Variants in ARHGAP6 observed in about 807,000 individuals in gnomAD.
ARHGAP6 encodes Rho GTPase activating protein 6.
ARHGAP6 carries 16 observed loss-of-function variants against 55.7 expected under a neutral mutation model. The observed-to-expected ratio is 0.29, with a 90% confidence interval of 0.19 to 0.44. The LOEUF is 0.44. Ranked by LOEUF, ARHGAP6 falls within the 20% of genes least tolerant of loss-of-function variation. ARHGAP6 has a pLI of 1.00. For missense variants in ARHGAP6, 698 were observed against 808.9 expected (o/e 0.86, Z 1.66); for synonymous variants, 382 against 360.9 (o/e 1.06, Z -0.66).
chrX:11,434,747 G>T (rs903761433), intron 1 of ARHGAP6, among the ~76,000 whole-genome samples: 1 of 111,485 alleles, frequency 9.0e-6, no homozygotes, highest in Non-Finnish European at 1.9e-5. Flanking sequence ...TGTCAGGAGT[G>T]TAATAAAATG....
chrX:11,354,295 T>TTC (rs1206233633), intron 1 of ARHGAP6, among the ~76,000 whole-genome samples: 348 of 41,010 alleles, frequency 8.5e-3, no homozygotes, highest in African/African-American at 0.012. Flanking sequence ...CTCTCTCTCT[T>TTC]TCTCTCTCTC....
intron 2 of ARHGAP6, among the ~76,000 whole-genome samples, chrX:11,227,720 TGAAG>T (rs767984160): frequency 9.0e-6 from 1 of 110,737 alleles, no homozygotes; most frequent in East Asian, 2.8e-4. Context: ...CAGCCTTCCC[TGAAG>T]GAACTCACCG....
chrX:11,367,804 A>G (rs2049100494), intron 1 of ARHGAP6: 2 of 753,834 alleles, frequency 2.7e-6, no homozygotes, highest in African/African-American at 2.3e-5. Context: ...CTTCCGCCCT[A>G]TCAGGCAGGC....
chrX:11,276,325 G>A (rs778568438), intron 1 of ARHGAP6, among the ~76,000 whole-genome samples: 1 of 111,581 alleles, frequency 9.0e-6, no homozygotes, highest in East Asian at 2.8e-4. Flanking sequence ...TGTAGGTTCT[G>A]GAAGAATAGA....
intron 1 of ARHGAP6, among the ~76,000 whole-genome samples, chrX:11,460,256 G>A (rs898543026): frequency 1.4e-4 from 16 of 111,632 alleles, no homozygotes; most frequent in African/African-American, 4.9e-4. Context: ...GAACTTCAAG[G>A]GGACTCTAGG....
intron 1 of ARHGAP6, among the ~76,000 whole-genome samples, chrX:11,428,786 G>T (rs939486509): frequency 5.4e-5 from 6 of 111,758 alleles, no homozygotes; most frequent in African/African-American, 1.6e-4. Flanking sequence ...ACCATCCACT[G>T]GCATGTAATA....
intron 1 of ARHGAP6, among the ~76,000 whole-genome samples, chrX:11,624,241 T>G (rs1427818051): frequency 8.9e-6 from 1 of 112,418 alleles, no homozygotes; most frequent in African/African-American, 3.2e-5. Context: ...AATTAAAGAC[T>G]TAAACCTATG....
chrX:11,427,761 G>A (rs1287529263), intron 1 of ARHGAP6: 2 of 764,064 alleles, frequency 2.6e-6, no homozygotes, highest in East Asian at 1.5e-4. Flanking sequence ...TCCCGCTGCC[G>A]CTGCGGAGCC....
chrX:11,266,603 G>A (rs2047630688), intron 1 of ARHGAP6, among the ~76,000 whole-genome samples: 1 of 109,929 alleles, frequency 9.1e-6, no homozygotes, highest in African/African-American at 3.3e-5. Context: ...TGGGGTGGGG[G>A]TTGGGGGTGG....
At chrX:11,392,604 T>C (rs1304271968) in intron 1 of ARHGAP6, among the ~76,000 whole-genome samples, 3 of 111,657 alleles carry the variant, frequency 2.7e-5, no homozygotes, top group Non-Finnish European at 5.7e-5. Context: ...TATAGCTTAA[T>C]CTCAAATTGA....
At chrX:11,176,829 T>C (rs2046232668) in intron 8 of ARHGAP6, among the ~76,000 whole-genome samples, 1 of 112,061 alleles carries the variant, frequency 8.9e-6, no homozygotes. Flanking sequence ...TTATGAAACC[T>C]GAAGCCATCT....
rs1235109259 is a variant in ARHGAP6, at chrX:11,372,644, C to T, written c.589-117937G>A. 8.4e-5 allele frequency among the ~76,000 whole-genome samples: 9 copies of T among 107,754 alleles called. No homozygotes were observed. The East Asian group carries it at 8.7e-4, about 10-fold the overall frequency. 93.6% of individuals were successfully genotyped at this position (107,754 alleles called of 115,157 possible). A position where few individuals can be genotyped will look rare whatever the true frequency, so the allele number is the denominator to read the frequency against. ...AAAATTAGCCAGGCATGGTGGCACG[C>T]GCCTGTAGTCCCAGCTACTCGGGAA... On this transcript the variant is annotated intron_variant, in intron 1 of 12. Transcript: ENST00000337414.
At chrX:11,419,339 G>C (rs1341445914) in intron 1 of ARHGAP6, among the ~76,000 whole-genome samples, 1 of 111,955 alleles carries the variant, frequency 8.9e-6, no homozygotes, top group African/African-American at 3.3e-5. Context: ...GATCCTGATC[G>C]ACACAAAGCC....
At chrX:11,263,065 C>G (rs1485437992) in intron 1 of ARHGAP6, among the ~76,000 whole-genome samples, 1 of 110,982 alleles carries the variant, frequency 9.0e-6, no homozygotes. Flanking sequence ...CCCTCCAAAT[C>G]TCATGTTGAA....
chrX:11,219,484 A>G (rs1400653159), intron 2 of ARHGAP6, among the ~76,000 whole-genome samples: 2 of 97,204 alleles, frequency 2.1e-5, no homozygotes, highest in Non-Finnish European at 4.2e-5. Context: ...CAATGGTTGA[A>G]CTAGTTTACA....
At chrX:11,162,306 A>G (rs966673193) in intron 9 of ARHGAP6, among the ~76,000 whole-genome samples, 10 of 105,928 alleles carry the variant, frequency 9.4e-5, no homozygotes, top group African/African-American at 3.1e-4. Flanking sequence ...GAGAGAGAGC[A>G]AAGTGCTACC....
At chrX:11,394,327 A>G (rs949607889) in intron 1 of ARHGAP6, among the ~76,000 whole-genome samples, 3 of 111,721 alleles carry the variant, frequency 2.7e-5, no homozygotes, top group African/African-American at 9.8e-5. Flanking sequence ...ATGTCCATAG[A>G]AGGCAAAGCT....
intron 1 of ARHGAP6, among the ~76,000 whole-genome samples, chrX:11,284,722 G>A (rs762144339): frequency 2.7e-5 from 3 of 111,617 alleles, no homozygotes; most frequent in Non-Finnish European, 3.8e-5. Flanking sequence ...CTGAGGCACT[G>A]GGAATTTCCT....
At chrX:11,543,576 G>A (rs964559669) in intron 1 of ARHGAP6, among the ~76,000 whole-genome samples, 9 of 112,287 alleles carry the variant, frequency 8.0e-5, no homozygotes, top group African/African-American at 2.3e-4. Flanking sequence ...TTTAGACAAT[G>A]CAAAGGTATT....
Sources: allele counts gnomAD v4.1 joint callset (sites outside exome capture counted in the v4.1 genomes callset), GRCh38; gene constraint gnomAD v4.1.1; transcripts MANE v1.5; gene names NCBI Gene and HGNC (gene_info 2026-07-23, HGNC 2026-07-21).